Variants in CARD16 observed in about 807,000 individuals in gnomAD.
CARD16 encodes caspase recruitment domain-containing protein 16.
A neutral mutation model predicts 11.9 loss-of-function variants in CARD16; 8 were observed. The ratio of observed to expected loss-of-function variants is 0.67; its 90% confidence interval spans 0.39 to 1.21. CARD16 has a LOEUF of 1.21. Among genes scored for constraint, CARD16 ranks in the 50% most tolerant of loss-of-function variants. The pLI is 0.01. For missense variants in CARD16, 131 were observed against 118.1 expected (o/e 1.11, Z -0.51); for synonymous variants, 44 against 43.8 (o/e 1.00, Z -0.02).
At chr11:105,042,744 A>T (rs1239027738) in intron 3 of CARD16, among the ~76,000 whole-genome samples, 2 of 152,162 alleles carry the variant, frequency 1.3e-5, no homozygotes, top group African/African-American at 4.8e-5. Flanking sequence ...AAAGAAAAGC[A>T]TTTGAGTTAT....
intron 3 of CARD16, among the ~76,000 whole-genome samples, chr11:105,042,159 A>G (rs1313115354): frequency 1.3e-5 from 2 of 152,226 alleles, no homozygotes; most frequent in South Asian, 2.1e-4. Flanking sequence ...TTTACCTAAT[A>G]GACATGGTAG....
intron 2 of CARD16, 64 bp downstream of exon 2, chr11:105,044,327 GA>G (rs1292618013): frequency 6.2e-7 from 1 of 1,608,132 alleles, no homozygotes; most frequent in Non-Finnish European, 8.5e-7. Flanking sequence ...GACTAGTAAA[GA>G]AATCAAATGT....
chr11:105,043,080 A>G (rs1006695929), intron 3 of CARD16, among the ~76,000 whole-genome samples: 4 of 152,146 alleles, frequency 2.6e-5, no homozygotes, highest in Non-Finnish European at 5.9e-5. Context: ...ATGAGTTTCA[A>G]GTTCCTGGAT....
intron 3 of CARD16, 135 bp from the exon 4 acceptor site, chr11:105,041,854 C>A (rs1036038302): frequency 1.1e-5 from 9 of 800,552 alleles, no homozygotes; most frequent in African/African-American, 1.0e-4. Flanking sequence ...TAGTTGAGTG[C>A]GTTTGCTGCT....
intron 3 of CARD16, among the ~76,000 whole-genome samples, chr11:105,042,918 C>A (rs1864135975): frequency 6.6e-6 from 1 of 152,082 alleles, no homozygotes; most frequent in African/African-American, 2.4e-5. Flanking sequence ...ATATAAGTTT[C>A]TTTTATTTTA....
chr11:105,043,999 T>G (rs1864152964), intron 2 of CARD16: 1 of 278,414 alleles, frequency 3.6e-6, no homozygotes, highest in Admixed American at 4.8e-5. Flanking sequence ...TAAAAAGTAT[T>G]TGAATACAGA....
intron 3 of CARD16, 122 bp from the exon 4 acceptor site, chr11:105,041,841 A>C (rs1164439221): frequency 3.4e-5 from 32 of 933,116 alleles, no homozygotes. Context: ...CTAGTCATTA[A>C]CATAGTTGAG....
intron 2 of CARD16, 60 bp downstream of exon 2, chr11:105,044,332 C>A: frequency 2.5e-6 from 4 of 1,609,278 alleles, no homozygotes; most frequent in Non-Finnish European, 3.4e-6. Flanking sequence ...GTAAAGAAAT[C>A]AAATGTTAGG....
chr11:105,044,645 C>T lies in CARD16; in HGVS notation c.21G>A (p.Lys7=). Reference sequence around the variant, plus strand: ...AATGGATAAACAGCTTTCTCTTCTCCTTCAGGACCTTGTCTGTTTGGAGCA... The same window carrying T: ...AATGGATAAACAGCTTTCTCTTCTCTTTCAGGACCTTGTCTGTTTGGAGCA... MADKVL[K]EKRKLFIHSM... The change falls in exon 2 of 4, where the codon AAG becomes AAA. Residue 7 remains lysine (K), a synonymous_variant. Coordinates refer to ENST00000673097, the MANE Select transcript of CARD16 (RefSeq NM_052889.4). The T allele has an allele frequency of 6.2e-7, 1 of 1,614,030 alleles. No individual in the cohort carries two copies. The highest frequency in any genetic ancestry group is 8.5e-7 in the Non-Finnish European group (1 of 1,179,910).
chr11:105,041,888 G>T (rs1397288006), intron 3 of CARD16, among the ~76,000 whole-genome samples, 169 bp from the exon 4 acceptor site: 1 of 152,188 alleles, frequency 6.6e-6, no homozygotes, highest in East Asian at 1.9e-4. Flanking sequence ...TCAAGCCAGA[G>T]ATTTCTAGGT....
intron 3 of CARD16, 72 bp from the exon 4 acceptor site, chr11:105,041,791 C>A: frequency 7.0e-7 from 1 of 1,420,724 alleles, no homozygotes. Flanking sequence ...ATGGAGGAAG[C>A]TACAAAAGAG....
chr11:105,043,138 T>A (rs493426), intron 3 of CARD16, among the ~76,000 whole-genome samples: 2 of 151,850 alleles, frequency 1.3e-5, no homozygotes, highest in Admixed American at 1.3e-4. Context: ...CACAAAACTG[T>A]AAGAGAAGCA....
At chr11:105,042,393 A>G (rs1206137963) in intron 3 of CARD16, among the ~76,000 whole-genome samples, 1 of 152,218 alleles carries the variant, frequency 6.6e-6, no homozygotes, top group East Asian at 1.9e-4. Flanking sequence ...TTTATGTGAG[A>G]AAATCTTTGA....
At chr11:105,044,230 A>T in intron 2 of CARD16, 162 bp downstream of exon 2, 1 of 1,167,812 alleles carries the variant, frequency 8.6e-7, no homozygotes, top group Non-Finnish European at 1.2e-6. Context: ...AGGAACACAA[A>T]AAAGAGTCAA....
intron 2 of CARD16, chr11:105,044,093 C>T (rs1864154650): frequency 8.3e-6 from 4 of 483,542 alleles, no homozygotes; most frequent in African/African-American, 3.8e-5. Context: ...AAATATCGTG[C>T]CTTGCCAGGA....
chr11:105,045,049 T>C, intron 1 of CARD16: 3 of 631,168 alleles, frequency 4.8e-6, no homozygotes, highest in Middle Eastern at 4.4e-4. Flanking sequence ...TAAGCAAGGG[T>C]TTAATTAAGA....
At chr11:105,044,235 A>T (rs1864156234) in intron 2 of CARD16, 157 bp downstream of exon 2, 1 of 1,189,178 alleles carries the variant, frequency 8.4e-7, no homozygotes, top group East Asian at 2.4e-5. Flanking sequence ...CACAAAAAAG[A>T]GTCAAGGGAC....
intron 3 of CARD16, among the ~76,000 whole-genome samples, chr11:105,043,180 A>T (rs993733722): frequency 3.3e-5 from 5 of 152,094 alleles, no homozygotes; most frequent in Non-Finnish European, 7.4e-5. Context: ...TCAGCTCTGA[A>T]ATTGTTTACA....
rs34534919 is a variant in CARD16 at position 105,044,499 on chromosome 11, G to C, written c.167C>G (p.Ala56Gly). The change falls in exon 2 of 4, where the codon GCT becomes GGT. Residue 56 changes from alanine to glycine, a missense_variant. By Grantham distance (60) the Ala-to-Gly change is moderately conservative. Transcript: ENST00000673097. ...ENATVMDKTR[A>G]LIDSVIPKGA... ...TTTCGGAATAACGGAGTCAATCAAA[G>C]CTCGGGTCTTATCCATAACTGTAGC... is the stretch of plus-strand genomic sequence containing the variant. 1 of 1,614,082 alleles carries C rather than the reference G, an allele frequency of 6.2e-7. No individual in the cohort carries two copies. The highest frequency in any genetic ancestry group is 1.3e-5 in the African/African-American group (1 of 75,026).
Sources: gnomAD v4.1 joint callset for allele counts (sites outside exome capture counted in the v4.1 genomes callset) on GRCh38, gnomAD v4.1.1 for gene constraint, MANE v1.5 for transcripts, NCBI Gene and HGNC (gene_info 2026-07-23, HGNC 2026-07-21) for gene names.